The following EPHA7 variants were observed in gnomAD, a reference collection of about 807,000 sequenced individuals.
The protein encoded by EPHA7 is ephrin type-A receptor 7.
In EPHA7, 25 loss-of-function variants were observed where a neutral mutation model predicts 112.6. The observed-to-expected ratio is 0.22, with a 90% CI of 0.16 to 0.31. The LOEUF (loss-of-function observed/expected upper bound fraction) is 0.31. Among genes scored for constraint, EPHA7 ranks in the 10% least tolerant of loss-of-function variants. EPHA7 has a pLI of 1.00. For synonymous variants in EPHA7, 437 were observed against 406.5 expected (o/e 1.07, Z -0.90); for missense variants, 962 against 1,212.6 (o/e 0.79, Z 3.07).
chr6:93,252,899 T>C (rs1770276384), intron 14 of EPHA7, among the ~76,000 whole-genome samples: 1 of 152,018 alleles, frequency 6.6e-6, no homozygotes, highest in Non-Finnish European at 1.5e-5. Context: ...TATTAATCCT[T>C]GGTATAGTAA....
intron 3 of EPHA7, among the ~76,000 whole-genome samples, chr6:93,401,055 C>G (rs1778416956): frequency 3.3e-5 from 5 of 152,000 alleles, no homozygotes; most frequent in Admixed American, 3.3e-4. Flanking sequence ...AAGTCTGAGG[C>G]TACCATCACC....
chr6:93,335,115 T>C (rs1227934396), intron 5 of EPHA7, among the ~76,000 whole-genome samples: 1 of 152,094 alleles, frequency 6.6e-6, no homozygotes, highest in Non-Finnish European at 1.5e-5. Context: ...AATAACATAT[T>C]CCTCACAAAA....
intron 5 of EPHA7, among the ~76,000 whole-genome samples, chr6:93,276,424 C>G (rs763179647): frequency 6.6e-6 from 1 of 151,966 alleles, no homozygotes; most frequent in Non-Finnish European, 1.5e-5. Flanking sequence ...CTTCCAACAA[C>G]AGGAATGAGC....
At position 93,240,062 on chromosome 6, in the gene EPHA7, T is replaced by C. The variant is rs1769626145; in HGVS notation, c.*3364A>G. On this transcript the variant is annotated 3_prime_UTR_variant, in exon 17 of 17. Transcript: ENST00000369303. ...AATAGACTTGTTTATTATTTTAAGCTGGTAAAAAGAGACTTATGATTCATG... is the reference window on the plus strand; with the variant it reads ...AATAGACTTGTTTATTATTTTAAGCCGGTAAAAAGAGACTTATGATTCATG... The C allele has an allele frequency of 4.6e-6, 1 of 219,312 alleles. No individual in the cohort carries two copies. The highest frequency in any genetic ancestry group is 2.2e-5 in the African/African-American group (1 of 44,630). 13.6% of individuals were successfully genotyped at this position (219,312 alleles called of 1,614,324 possible). A position where few individuals can be genotyped will look rare whatever the true frequency, so the allele number is the denominator to read the frequency against.
At chr6:93,404,940 C>T (rs184357305) in intron 3 of EPHA7, among the ~76,000 whole-genome samples, 89 of 151,832 alleles carry the variant, frequency 5.9e-4, no homozygotes, top group Non-Finnish European at 9.0e-4. Flanking sequence ...GTACCTGAGC[C>T]CTGTGTTTAT....
chr6:93,299,079 C>A (rs1248359495), intron 5 of EPHA7, among the ~76,000 whole-genome samples: 1 of 151,874 alleles, frequency 6.6e-6, no homozygotes, highest in Non-Finnish European at 1.5e-5. Flanking sequence ...GTAATCCCAG[C>A]ACTTTGGGAG....
chr6:93,350,557 G>C (rs930392285), intron 5 of EPHA7, among the ~76,000 whole-genome samples: 7 of 151,986 alleles, frequency 4.6e-5, no homozygotes, highest in African/African-American at 1.7e-4. Context: ...GTGTCATATA[G>C]ATCATTCATC....
At chr6:93,388,317 A>G (rs931564632) in intron 3 of EPHA7, among the ~76,000 whole-genome samples, 3 of 152,130 alleles carry the variant, frequency 2.0e-5, no homozygotes, top group Non-Finnish European at 4.4e-5. Flanking sequence ...TCTTTTCAAA[A>G]GTCAAAAGGC....
intron 5 of EPHA7, among the ~76,000 whole-genome samples, chr6:93,314,914 G>A (rs1183287887): frequency 2.2e-5 from 3 of 134,742 alleles, no homozygotes; most frequent in Admixed American, 7.9e-5. Flanking sequence ...CCAGGCTGGA[G>A]TGCAGTGGCG....
rs188208386 is a variant in EPHA7, at chr6:93,354,615, C to A, written c.1324+2102G>T. Among the ~76,000 whole-genome samples, 137 of 146,766 alleles carry A rather than the reference C, an allele frequency of 9.3e-4. 1 individual carries two copies. Among genetic ancestry groups the A allele is most frequent in the African/African-American group, 3.3e-3 (135 of 40,560 alleles). ...TATATTTATTGTACATTTAAATCAA[C>A]CTCCCCCACAAATAAAGCAAAAAAA... On this transcript the variant is annotated intron_variant, in intron 5 of 16. Coordinates refer to ENST00000369303, the MANE Select transcript of EPHA7 (RefSeq NM_004440.4).
chr6:93,346,302 A>C (rs1023572706), intron 5 of EPHA7, among the ~76,000 whole-genome samples: 2 of 151,748 alleles, frequency 1.3e-5, no homozygotes, highest in Non-Finnish European at 2.9e-5. Context: ...TCTTGCTCTT[A>C]AATGAAATTT....
In EPHA7 at chr6:93,369,189, C is replaced by T. The variant is rs973734832; in HGVS notation, c.833-10778G>A. 6.3e-4 allele frequency among the ~76,000 whole-genome samples: 92 copies of T among 146,650 alleles called. 1 individual carries two copies. Among genetic ancestry groups the T allele is most frequent in the Non-Finnish European group, 1.3e-3 (84 of 66,078 alleles). ...AAAAGAAAAATAAAGGCCACACACA[C>T]ACACACACACACACACACACACACA... On this transcript the variant is annotated intron_variant, in intron 3 of 16. Transcript: ENST00000369303.
intron 1 of EPHA7, among the ~76,000 whole-genome samples, chr6:93,415,704 T>C (rs1159235093): frequency 7.9e-5 from 12 of 152,144 alleles, no homozygotes. Flanking sequence ...TATCTGACTC[T>C]ACACCATTTT....
At chr6:93,305,786 T>G (rs1388431967) in intron 5 of EPHA7, among the ~76,000 whole-genome samples, 1 of 151,964 alleles carries the variant, frequency 6.6e-6, no homozygotes, top group Non-Finnish European at 1.5e-5. Flanking sequence ...GAGCCACCTT[T>G]GCAAACTTAT....
chr6:93,323,884 G>A (rs908409968), intron 5 of EPHA7, among the ~76,000 whole-genome samples: 1 of 151,430 alleles, frequency 6.6e-6, no homozygotes, highest in Admixed American at 6.6e-5. Flanking sequence ...TGTTTTCAAA[G>A]AGAGTTATCT....
intron 5 of EPHA7, among the ~76,000 whole-genome samples, chr6:93,339,315 T>C (rs1288955259): frequency 6.6e-6 from 1 of 151,700 alleles, no homozygotes; most frequent in Non-Finnish European, 1.5e-5. Flanking sequence ...TCCCGGTTAT[T>C]GAGAGGGTTA....
intron 3 of EPHA7, among the ~76,000 whole-genome samples, chr6:93,372,187 T>C (rs1776832711): frequency 6.6e-6 from 1 of 152,146 alleles, no homozygotes. Flanking sequence ...TAAATAAACA[T>C]TTGTGAGTGG....
Position 93,255,870 on chromosome 6 carries a change from G to C in EPHA7, c.2340C>G (p.Ser780=), listed in dbSNP as rs780705162. The change falls in exon 13 of 17, where the codon TCC becomes TCG. Residue 780 remains serine (S), a synonymous_variant. Transcript: ENST00000369303. ...CTTCTGGATCATCCTCTATAACTCG[G>C]GACAGGCCAAAATCTGACACTTTAC... ...LVCKVSDFGL[S]RVIEDDPEAV... 4 of 1,613,906 alleles carry C rather than the reference G, an allele frequency of 2.5e-6. No individual in the cohort carries two copies. The East Asian group carries it at 8.9e-5, about 36-fold the overall frequency.
At chr6:93,360,328 A>T (rs1776197505) in intron 3 of EPHA7, among the ~76,000 whole-genome samples, 1 of 152,150 alleles carries the variant, frequency 6.6e-6, no homozygotes, top group African/African-American at 2.4e-5. Context: ...TTCAAAGATC[A>T]GAGACAACAT....
Sources: allele counts gnomAD v4.1 joint callset (sites outside exome capture counted in the v4.1 genomes callset), GRCh38; gene constraint gnomAD v4.1.1; transcripts MANE v1.5; gene names NCBI Gene and HGNC (gene_info 2026-07-23, HGNC 2026-07-21).